Variants in NXPE4 observed in about 807,000 individuals in gnomAD.
The protein encoded by NXPE4 is neurexophilin and PC-esterase domain family member 4.
A neutral mutation model predicts 33.3 loss-of-function variants in NXPE4; 42 were observed. The observed-to-expected ratio is 1.26, with a 90% CI of 0.98 to 1.63. The LOEUF (loss-of-function observed/expected upper bound fraction) is 1.63. Ranked by LOEUF, NXPE4 falls within the 40% of genes most tolerant of loss-of-function variation. The pLI, the probability that NXPE4 is intolerant of heterozygous loss-of-function variation, is 0.00. For synonymous variants in NXPE4, 253 were observed against 234.9 expected (o/e 1.08, Z -0.71); for missense variants, 709 against 647.6 (o/e 1.09, Z -1.03).
At chr11:114,668,600 G>A in the NXPE4 span, among the ~76,000 whole-genome samples, 1 of 151,978 alleles carries the variant, frequency 6.6e-6, no homozygotes, top group Non-Finnish European at 1.5e-5. Context: ...AGGTATATAA[G>A]GGCACACAGT....
At chr11:114,614,820 C>CACTGTTATCTGGTGGATAACAAGTGTT in the NXPE4 span, among the ~76,000 whole-genome samples, 6 of 151,082 alleles carry the variant, frequency 4.0e-5, no homozygotes, top group Admixed American at 1.3e-4. Context: ...CGTGGGTAAC[C>CACTGTTATCTGGTGGATAACAAGTGTT]ACTGTTATCT....
the NXPE4 span, among the ~76,000 whole-genome samples, chr11:114,671,224 C>T: frequency 6.6e-6 from 1 of 150,978 alleles, no homozygotes; most frequent in South Asian, 2.1e-4. Context: ...GAAGGTAGAT[C>T]AGTAGAGATT....
the NXPE4 span, among the ~76,000 whole-genome samples, chr11:114,675,197 A>T: frequency 6.6e-6 from 1 of 151,818 alleles, no homozygotes; most frequent in African/African-American, 2.4e-5. Flanking sequence ...CAAACCCACA[A>T]CTAATATCAT....
the NXPE4 span, among the ~76,000 whole-genome samples, chr11:114,624,284 A>C: frequency 6.6e-6 from 1 of 152,054 alleles, no homozygotes. Context: ...CTCGTGAGTA[A>C]CCACTGTTAC....
At chr11:114,620,034 C>T in the NXPE4 span, among the ~76,000 whole-genome samples, 1 of 140,554 alleles carries the variant, frequency 7.1e-6, no homozygotes, top group Non-Finnish European at 1.6e-5. Flanking sequence ...AATGGATACT[C>T]ACTACTGCCT....
At chr11:114,626,161 G>C in the NXPE4 span, among the ~76,000 whole-genome samples, 1 of 152,150 alleles carries the variant, frequency 6.6e-6, no homozygotes, top group Non-Finnish European at 1.5e-5. Flanking sequence ...GCTCGAACTG[G>C]GTGGAGCCCA....
the NXPE4 span, among the ~76,000 whole-genome samples, chr11:114,649,074 A>G: frequency 6.6e-6 from 1 of 152,046 alleles, no homozygotes; most frequent in Non-Finnish European, 1.5e-5. Flanking sequence ...ACTGATATTT[A>G]TCCTCCACTA....
the NXPE4 span, among the ~76,000 whole-genome samples, chr11:114,627,907 T>C: frequency 6.6e-6 from 1 of 151,086 alleles, no homozygotes; most frequent in African/African-American, 2.4e-5. Flanking sequence ...CCAACAAAGA[T>C]CAAAAGAGAC....
chr11:114,580,442 G>T, intron 4 of NXPE4, 104 bp from the exon 5 acceptor site: 2 of 851,266 alleles, frequency 2.3e-6, no homozygotes. Context: ...GGGGTAAGGT[G>T]GTGGTAATGG....
chr11:114,628,263 C>A, the NXPE4 span, among the ~76,000 whole-genome samples: 8 of 149,594 alleles, frequency 5.3e-5, no homozygotes, highest in East Asian at 1.2e-3. Flanking sequence ...TGACCATATA[C>A]TTGGAAATAA....
chr11:114,623,994 C>G, the NXPE4 span, among the ~76,000 whole-genome samples: 4 of 152,108 alleles, frequency 2.6e-5, no homozygotes, highest in South Asian at 8.3e-4. Flanking sequence ...TGGGTAACCA[C>G]TGTTACCCGG....
At chr11:114,608,731 G>T in the NXPE4 span, among the ~76,000 whole-genome samples, 1 of 151,822 alleles carries the variant, frequency 6.6e-6, no homozygotes, top group Non-Finnish European at 1.5e-5. Flanking sequence ...TGCCTCGTGG[G>T]TAACCACTGT....
chr11:114,610,818 G>T, the NXPE4 span, among the ~76,000 whole-genome samples: 1 of 151,914 alleles, frequency 6.6e-6, no homozygotes, highest in South Asian at 2.1e-4. Context: ...GGTTATCACT[G>T]TTACCCTGTG....
chr11:114,626,326 T>G, the NXPE4 span, among the ~76,000 whole-genome samples: 1 of 152,156 alleles, frequency 6.6e-6, no homozygotes, highest in African/African-American at 2.4e-5. Flanking sequence ...CAGCTGGAGA[T>G]CTGAGAATGG....
chr11:114,582,331 T>A lies in NXPE4; in HGVS notation c.787A>T (p.Lys263Ter). ...ALTHMYSKNK[K>*]VSYLSKQEKS... ...TCTTGTTTGCTAAGATAAGAAACTTTCTTGTTCTTAGAATACATGTGAGTG... is the reference window on the plus strand; with the variant it reads ...TCTTGTTTGCTAAGATAAGAAACTTACTTGTTCTTAGAATACATGTGAGTG... Residue 263 changes from lysine (K) to a stop codon, truncating the protein, a stop_gained, in exon 3 of 6, where the codon AAA (lysine) becomes TAA (stop). Transcript: ENST00000375478. LOFTEE classifies it high-confidence loss of function. The A allele has an allele frequency of 6.3e-7, 1 of 1,599,214 alleles. No homozygotes were observed. Among genetic ancestry groups the A allele is most frequent in the East Asian group, 2.2e-5 (1 of 44,652 alleles).
At chr11:114,628,719 T>C in the NXPE4 span, among the ~76,000 whole-genome samples, 4 of 149,884 alleles carry the variant, frequency 2.7e-5, no homozygotes, top group Non-Finnish European at 4.5e-5. Context: ...TTCAAAAAAT[T>C]AACGAATCCA....
the NXPE4 span, among the ~76,000 whole-genome samples, chr11:114,605,370 A>T: frequency 1.2e-3 from 186 of 152,084 alleles, 2 homozygotes; most frequent in Admixed American, 5.6e-3. Flanking sequence ...CCTGCTGCAT[A>T]ATAAGTATTG....
chr11:114,661,724 C>T, the NXPE4 span, among the ~76,000 whole-genome samples: 1 of 152,180 alleles, frequency 6.6e-6, no homozygotes, highest in African/African-American at 2.4e-5. Flanking sequence ...TGGCCAAGGC[C>T]ACTGGTGACT....
chr11:114,613,917 C>T, the NXPE4 span, among the ~76,000 whole-genome samples: 1 of 151,964 alleles, frequency 6.6e-6, no homozygotes, highest in Non-Finnish European at 1.5e-5. Context: ...ACCACTGTTA[C>T]CCAGTGGATA....
Sources: gnomAD v4.1 joint callset for allele counts (sites outside exome capture counted in the v4.1 genomes callset) on GRCh38, gnomAD v4.1.1 for gene constraint, MANE v1.5 for transcripts, NCBI Gene and HGNC (gene_info 2026-07-23, HGNC 2026-07-21) for gene names.